Variants in FHOD3 observed in about 807,000 individuals in gnomAD.
FHOD3 encodes the protein formin homology 2 domain containing 3.
A neutral mutation model predicts 173.0 loss-of-function variants in FHOD3; 90 were observed. The observed-to-expected ratio is 0.52, with a 90% CI of 0.44 to 0.62. FHOD3 has a LOEUF of 0.62. Ranked by LOEUF, FHOD3 falls within the 20% of genes least tolerant of loss-of-function variation. The probability of loss-of-function intolerance (pLI) is 0.00; values close to 1 mark genes in which losing one functional copy is unlikely to be tolerated. For synonymous variants in FHOD3, 828 were observed against 823.0 expected (o/e 1.01, Z -0.10); for missense variants, 1,945 against 2,034.7 (o/e 0.96, Z 0.85).
In FHOD3 at chr18:36,512,498, G is replaced by T. The variant is rs777259181; in HGVS notation, c.466G>T (p.Val156Leu). Residue 156 changes from valine (V) to leucine (L), a missense_variant, in exon 5 of 29, where the codon GTG (valine) becomes TTG (leucine). Val to Leu is a conservative substitution (Grantham distance 32). This residue lies in a region of FHOD3 where 245 missense variants were observed against 267.7 expected (regional missense o/e 0.92). Coordinates refer to ENST00000590592, the MANE Select transcript of FHOD3 (RefSeq NM_001281740.3). ...TGAAGGTCTGACATGTTTGATCAAG[G>T]TGGGAGCTGAGGCTGATCAGAACTA... ...VAEGLTCLIK[V>L]GAEADQNYQN... is the part of the protein sequence containing the mutation. 6.2e-7 allele frequency: 1 copy of T among 1,614,134 alleles called. No individual in the cohort carries two copies. Among genetic ancestry groups the T allele is most frequent in the Admixed American group, 1.7e-5 (1 of 60,028 alleles).
At chr18:36,659,736 A>C (rs1041746573) in intron 14 of FHOD3, among the ~76,000 whole-genome samples, 2 of 152,200 alleles carry the variant, frequency 1.3e-5, no homozygotes, top group Non-Finnish European at 2.9e-5. Context: ...AAAGTTATAC[A>C]GACAGGGGTC....
At chr18:36,462,489 GC>G (rs1302275463) in intron 3 of FHOD3, among the ~76,000 whole-genome samples, 1 of 151,914 alleles carries the variant, frequency 6.6e-6, no homozygotes, top group East Asian at 1.9e-4. Flanking sequence ...CTGCCACCAC[GC>G]CCAGCTAATT....
chr18:36,767,281 A>G (rs1240458620), intron 27 of FHOD3, among the ~76,000 whole-genome samples: 1 of 151,842 alleles, frequency 6.6e-6, no homozygotes, highest in East Asian at 1.9e-4. Context: ...GTATGCTATC[A>G]TTTAAAAAAT....
At chr18:36,298,085 G>A (rs1009867369) in intron 1 of FHOD3, 85 bp downstream of exon 1, 2 of 1,259,396 alleles carry the variant, frequency 1.6e-6, no homozygotes, top group Non-Finnish European at 1.0e-6. Flanking sequence ...GGCTTCGTGG[G>A]CCCCCTGGGC....
intron 2 of FHOD3, among the ~76,000 whole-genome samples, chr18:36,369,557 C>A (rs1212743689): frequency 1.5e-5 from 2 of 131,042 alleles, no homozygotes; most frequent in Non-Finnish European, 1.6e-5. Context: ...ACAATAAGAC[C>A]AAATAAGGTT....
chr18:36,717,695 G>A (rs2040534458), intron 18 of FHOD3, 137 bp from the exon 19 acceptor site: 2 of 1,382,232 alleles, frequency 1.4e-6, no homozygotes, highest in South Asian at 2.0e-5. Context: ...CGCCTTGTCA[G>A]CCACGGCTTT....
At chr18:36,521,520 A>G (rs1262359928) in intron 5 of FHOD3, among the ~76,000 whole-genome samples, 1 of 152,090 alleles carries the variant, frequency 6.6e-6, no homozygotes, top group African/African-American at 2.4e-5. Flanking sequence ...CATTCTTTGT[A>G]ATCATCACCC....
chr18:36,442,452 ATT>A (rs1467841514), intron 3 of FHOD3, among the ~76,000 whole-genome samples: 2 of 152,202 alleles, frequency 1.3e-5, no homozygotes, highest in African/African-American at 4.8e-5. Context: ...AGATATTGGC[ATT>A]TGGACTTCTC....
intron 20 of FHOD3, among the ~76,000 whole-genome samples, chr18:36,739,339 A>C (rs1226233184): frequency 6.6e-6 from 1 of 152,210 alleles, no homozygotes; most frequent in Admixed American, 6.5e-5. Flanking sequence ...CACACTGCCT[A>C]GGAGTTAGCC....
chr18:36,492,215 A>G (rs910482581), intron 3 of FHOD3, among the ~76,000 whole-genome samples: 1 of 152,118 alleles, frequency 6.6e-6, no homozygotes, highest in Admixed American at 6.5e-5. Context: ...CCCTCTTTGC[A>G]CAGCATTTCT....
chr18:36,347,802 C>G (rs2045941855), intron 1 of FHOD3, among the ~76,000 whole-genome samples: 1 of 152,128 alleles, frequency 6.6e-6, no homozygotes, highest in African/African-American at 2.4e-5. Context: ...TGTAGTCTTT[C>G]TCTTAAGAAA....
chr18:36,670,558 C>A (rs979608620), intron 14 of FHOD3, among the ~76,000 whole-genome samples: 26 of 152,138 alleles, frequency 1.7e-4, no homozygotes, highest in African/African-American at 4.6e-4. Context: ...CATATTTTAA[C>A]ATGTTAAATA....
At chr18:36,426,693 A>T (rs775279753) in intron 3 of FHOD3, among the ~76,000 whole-genome samples, 5 of 152,228 alleles carry the variant, frequency 3.3e-5, no homozygotes, top group Admixed American at 1.3e-4. Context: ...ACCTTGTTGT[A>T]AGCACTGGGC....
chr18:36,585,996 C>T (rs1599758209), intron 6 of FHOD3, among the ~76,000 whole-genome samples: 2 of 152,192 alleles, frequency 1.3e-5, no homozygotes, highest in East Asian at 3.9e-4. Flanking sequence ...TAGCCCCCAT[C>T]TGCCAGCCCT....
At chr18:36,747,266 T>C in intron 24 of FHOD3, 131 bp downstream of exon 24, 1 of 558,726 alleles carries the variant, frequency 1.8e-6, no homozygotes, top group African/African-American at 1.9e-5. Context: ...AGTACACTGA[T>C]GATACAGATG....
chr18:36,592,117 G>C (rs922475607), intron 6 of FHOD3, among the ~76,000 whole-genome samples: 1 of 152,200 alleles, frequency 6.6e-6, no homozygotes, highest in Non-Finnish European at 1.5e-5. Flanking sequence ...TATTCAGGAG[G>C]CTGAGGCAGG....
chr18:36,777,593 A>G (rs1442616345), intron 28 of FHOD3: 1 of 152,240 alleles, frequency 6.6e-6, no homozygotes, highest in African/African-American at 2.4e-5. Context: ...TACTGTTGTT[A>G]AAATTATCTT....
At chr18:36,610,543 G>A (rs1037675106) in intron 8 of FHOD3, among the ~76,000 whole-genome samples, 1 of 152,094 alleles carries the variant, frequency 6.6e-6, no homozygotes, top group Non-Finnish European at 1.5e-5. Flanking sequence ...TCCTTATCGG[G>A]GCCTTGAATA....
At chr18:36,591,206 G>T (rs976728819) in intron 6 of FHOD3, among the ~76,000 whole-genome samples, 4 of 152,226 alleles carry the variant, frequency 2.6e-5, no homozygotes, top group Admixed American at 6.5e-5. Flanking sequence ...TATTCCTACA[G>T]AATAGAAGCA....
Sources: gnomAD v4.1 joint callset for allele counts (sites outside exome capture counted in the v4.1 genomes callset) on GRCh38, gnomAD v4.1.1 for gene constraint, gnomAD v4.1.1 regional missense constraint, MANE v1.5 for transcripts, NCBI Gene and HGNC (gene_info 2026-07-23, HGNC 2026-07-21) for gene names.